The following NCOA1 variants were observed in gnomAD, a reference collection of about 807,000 sequenced individuals.
NCOA1 encodes nuclear receptor coactivator 1.
In NCOA1, 35 loss-of-function variants were observed where a neutral mutation model predicts 150.9. The observed-to-expected ratio is 0.23, with a 90% confidence interval of 0.18 to 0.31. The LOEUF is 0.31. Ranked by LOEUF, NCOA1 falls within the 10% of genes least tolerant of loss-of-function variation. The pLI is 1.00. For missense variants in NCOA1, 1,491 were observed against 1,749.3 expected (o/e 0.85, Z 2.63); for synonymous variants, 590 against 630.0 (o/e 0.94, Z 0.95).
rs1673509238 is a variant in NCOA1 at position 24,707,483 on chromosome 2, T to C, written c.2013T>C (p.Ser671=). ...CTTCCAACTCTGCCTCTGCTAACTC[T>C]TCAGGAGGTTCTTGTCCCTCTTCTC... The part of the protein sequence containing the change: ...TGTSNSASAN[S]SGGSCPSSHS... Residue 671 remains serine, a synonymous_variant, in exon 13 of 23, where the codon TCT becomes TCC. Coordinates refer to ENST00000348332, the MANE Select transcript of NCOA1 (RefSeq NM_003743.5). The C allele has an allele frequency of 2.5e-6, 4 of 1,614,198 alleles. No individual in the cohort carries two copies. Among genetic ancestry groups the C allele is most frequent in the Non-Finnish European group, 3.4e-6 (4 of 1,180,030 alleles).
chr2:24,536,994 A>G (rs538320080), intron 1 of NCOA1, among the ~76,000 whole-genome samples: 50 of 152,122 alleles, frequency 3.3e-4, no homozygotes, highest in African/African-American at 1.1e-3. Context: ...GAGGGGGCAA[A>G]GGGTAAAAAA....
chr2:24,510,246 T>C (rs1159452786), intron 1 of NCOA1, among the ~76,000 whole-genome samples: 1 of 152,228 alleles, frequency 6.6e-6, no homozygotes, highest in Non-Finnish European at 1.5e-5. Flanking sequence ...AGATGGGGTT[T>C]CACCATGTTG....
At chr2:24,632,678 A>G (rs779023978) in intron 3 of NCOA1, among the ~76,000 whole-genome samples, 1 of 152,202 alleles carries the variant, frequency 6.6e-6, no homozygotes, top group East Asian at 1.9e-4. Flanking sequence ...CCACCAACTC[A>G]AGGAGAAAAA....
At position 24,770,639 on chromosome 2, in the gene NCOA1, G is replaced by T. The variant is rs1030197169; in HGVS notation, c.*2248G>T. The T allele has an allele frequency of 1.5e-5, 3 of 201,392 alleles. No individual in the cohort carries two copies. The highest frequency in any genetic ancestry group is 4.6e-5 in the African/African-American group (2 of 43,572). The allele number at this position is 201,392 out of a possible 1,614,324, so 12.5% of individuals were successfully genotyped here. On this transcript the variant is annotated 3_prime_UTR_variant, in exon 23 of 23. Coordinates refer to ENST00000348332, the MANE Select transcript of NCOA1 (RefSeq NM_003743.5). ...GGAAGAAATGAAATGTACATCTGCA[G>T]AAATTGCCAAAGCCCAAATTAACGA... is the stretch of plus-strand genomic sequence containing the variant.
At chr2:24,651,082 C>T (rs1670690923) in intron 4 of NCOA1, among the ~76,000 whole-genome samples, 1 of 151,994 alleles carries the variant, frequency 6.6e-6, no homozygotes, top group African/African-American at 2.4e-5. Context: ...AAAGGGAACC[C>T]ATGTACCCTT....
intron 5 of NCOA1, among the ~76,000 whole-genome samples, chr2:24,663,050 C>T (rs561313211): frequency 6.6e-6 from 1 of 151,660 alleles, no homozygotes; most frequent in Admixed American, 6.6e-5. Context: ...CTGCCTCTGT[C>T]TCCCAAAGTT....
chr2:24,709,085 T>C (rs999325648), intron 13 of NCOA1, among the ~76,000 whole-genome samples: 19 of 152,314 alleles, frequency 1.2e-4, no homozygotes, highest in Non-Finnish European at 2.5e-4. Context: ...TCTTTGAGGA[T>C]AAGGCTGTCT....
chr2:24,524,216 T>G (rs1664559104), intron 1 of NCOA1, among the ~76,000 whole-genome samples: 1 of 152,236 alleles, frequency 6.6e-6, no homozygotes, highest in Non-Finnish European at 1.5e-5. Flanking sequence ...TAAGAGGTTA[T>G]AATCATTTTT....
chr2:24,709,145 A>T (rs1434762790), intron 13 of NCOA1, among the ~76,000 whole-genome samples: 1 of 152,238 alleles, frequency 6.6e-6, no homozygotes, highest in Non-Finnish European at 1.5e-5. Flanking sequence ...AACAGCATTA[A>T]ATAATAAGTA....
At chr2:24,759,720 C>T (rs1664681959) in intron 21 of NCOA1, among the ~76,000 whole-genome samples, 1 of 151,904 alleles carries the variant, frequency 6.6e-6, no homozygotes, top group Non-Finnish European at 1.5e-5. Context: ...TATATCACCT[C>T]ATGTATAGAG....
At chr2:24,673,672 C>T (rs891870369) in intron 7 of NCOA1, among the ~76,000 whole-genome samples, 2 of 152,136 alleles carry the variant, frequency 1.3e-5, no homozygotes, top group African/African-American at 4.8e-5. Context: ...TTCATGAAGG[C>T]ATTCTAAGCA....
chr2:24,604,089 A>G lies in NCOA1; in HGVS notation c.-175+19529A>G, dbSNP rs544384177. ...TCTTGGGTGGCCAGGTGCATTGTGA[A>G]TGAGCAGTAATATTTTGAAAGGAAT... On this transcript the variant is annotated intron_variant, in intron 3 of 22. Transcript: ENST00000348332. 2.6e-5 allele frequency among the ~76,000 whole-genome samples: 4 copies of G among 152,314 alleles called. No homozygotes were observed. In the South Asian group the frequency reaches 8.3e-4, roughly 32 times the overall value.
chr2:24,624,846 G>A (rs1162921987), intron 3 of NCOA1, among the ~76,000 whole-genome samples: 1 of 152,172 alleles, frequency 6.6e-6, no homozygotes, highest in African/African-American at 2.4e-5. Context: ...GACAGAGAGA[G>A]GAGAGGAGGA....
Position 24,740,542 on chromosome 2 carries a change from C to T in NCOA1, c.3303+1009C>T, listed in dbSNP as rs543307220. Among the ~76,000 whole-genome samples, 5 of 152,224 alleles carry T rather than the reference C, an allele frequency of 3.3e-5. No individual in the cohort carries two copies. The East Asian group carries it at 7.7e-4, about 23-fold the overall frequency. ...TAGTATTATAATCTTATGGGACCAC[C>T]GAATTTGGTCCATTGTGTGCAACTG... On this transcript the variant is annotated intron_variant, in intron 18 of 22. Coordinates refer to ENST00000348332, the MANE Select transcript of NCOA1 (RefSeq NM_003743.5).
chr2:24,741,535 T>G (rs1663599767), intron 18 of NCOA1, among the ~76,000 whole-genome samples: 3 of 152,230 alleles, frequency 2.0e-5, no homozygotes, highest in African/African-American at 7.2e-5. Context: ...TGCGTTCTCA[T>G]TTATAATGGT....
intron 1 of NCOA1, among the ~76,000 whole-genome samples, chr2:24,509,688 C>G (rs1317138615): frequency 1.3e-5 from 2 of 152,112 alleles, no homozygotes; most frequent in Non-Finnish European, 2.9e-5. Flanking sequence ...TTGAGAGTCC[C>G]TGGGTGAACA....
intron 3 of NCOA1, among the ~76,000 whole-genome samples, chr2:24,633,145 TACAC>T (rs906161156): frequency 6.6e-6 from 1 of 151,858 alleles, no homozygotes; most frequent in African/African-American, 2.4e-5. Context: ...TACATATGCA[TACAC>T]ACACACATAT....
At chr2:24,708,895 T>C (rs1228224574) in intron 13 of NCOA1, among the ~76,000 whole-genome samples, 1 of 152,234 alleles carries the variant, frequency 6.6e-6, no homozygotes, top group Non-Finnish European at 1.5e-5. Context: ...TTGCTCTTCT[T>C]TCTGTGCCCA....
Position 24,534,443 on chromosome 2 carries a change from A to G in NCOA1, c.-395-29852A>G, listed in dbSNP as rs182345759. On this transcript the variant is annotated intron_variant, in intron 1 of 22. Transcript: ENST00000348332. ...TTTTTTAAGGGTTTTTTGTGTCTCT[A>G]TCTCCTTCAGTTCTGCTCTGATCTT... Among the ~76,000 whole-genome samples, 784 of 144,318 alleles carry G rather than the reference A, an allele frequency of 5.4e-3. 4 individuals carry two copies. Among genetic ancestry groups the G allele is most frequent in the African/African-American group, 0.019 (737 of 38,760 alleles). 94.7% of individuals were successfully genotyped at this position (144,318 alleles called of 152,430 possible).
Sources: allele counts gnomAD v4.1 joint callset (sites outside exome capture counted in the v4.1 genomes callset), GRCh38; gene constraint gnomAD v4.1.1; transcripts MANE v1.5; gene names NCBI Gene and HGNC (gene_info 2026-07-23, HGNC 2026-07-21).